PACRGL: variants seen among roughly 807,000 people sequenced by gnomAD.
PACRGL encodes parkin coregulated like.
PACRGL carries 38 observed loss-of-function variants against 34.5 expected under a neutral mutation model. That is an observed-to-expected ratio of 1.10 (90% CI 0.85 to 1.44). PACRGL has a LOEUF of 1.44. Among genes scored for constraint, PACRGL ranks in the 40% most tolerant of loss-of-function variants. The probability of loss-of-function intolerance (pLI) is 0.00; values close to 1 mark genes in which losing one functional copy is unlikely to be tolerated. For missense variants in PACRGL, 305 were observed against 281.4 expected (o/e 1.08, Z -0.60); for synonymous variants, 128 against 100.1 (o/e 1.28, Z -1.66).
downstream of PACRGL, chr4:20,732,730 G>A (rs1208485695): frequency 6.2e-7 from 1 of 1,612,804 alleles, no homozygotes; most frequent in Non-Finnish European, 8.5e-7. Flanking sequence ...TTTGAGGACA[G>A]GATATGTACA....
At chr4:20,704,052 G>A (rs1001313126) in intron 1 of PACRGL, among the ~76,000 whole-genome samples, 5 of 152,158 alleles carry the variant, frequency 3.3e-5, no homozygotes, top group African/African-American at 9.7e-5. Flanking sequence ...GAAAAGTAGA[G>A]CTTGATGTGC....
chr4:20,761,179 G>A, the PACRGL span, among the ~76,000 whole-genome samples: 45 of 152,200 alleles, frequency 3.0e-4, 1 homozygote, highest in East Asian at 8.7e-3. Context: ...CCAGCACCCT[G>A]CCTTTGGACT....
At chr4:20,737,122 C>A (rs1442233697), downstream of PACRGL, among the ~76,000 whole-genome samples, 1 of 151,970 alleles carries the variant, frequency 6.6e-6, no homozygotes, top group African/African-American at 2.4e-5. Context: ...TTCCCATTGG[C>A]ATGAAGGGTA....
Position 20,727,478 on chromosome 4 carries a change from A to G in PACRGL, c.*137A>G. 3 of 625,906 alleles carry G rather than the reference A, an allele frequency of 4.8e-6. No homozygotes were observed. Among genetic ancestry groups the G allele is most frequent in the Non-Finnish European group, 8.2e-6 (3 of 366,420 alleles). 38.8% of individuals were successfully genotyped at this position (625,906 alleles called of 1,614,324 possible). A position where few individuals can be genotyped will look rare whatever the true frequency, so the allele number is the denominator to read the frequency against. ...CTAGGTTAAGATGAATAGACACTGA[A>G]TCAAAGTTATTCATCAACAAAAAAG... On this transcript the variant is annotated 3_prime_UTR_variant, in exon 9 of 9. Coordinates refer to ENST00000503585, the MANE Select transcript of PACRGL (RefSeq NM_001258345.3).
intron 1 of PACRGL, among the ~76,000 whole-genome samples, chr4:20,703,774 T>C (rs990062031): frequency 6.6e-6 from 1 of 152,136 alleles, no homozygotes; most frequent in African/African-American, 2.4e-5. Context: ...CCTAAATTCA[T>C]AAATTTCATA....
chr4:20,722,272 C>G (rs1743679405), intron 7 of PACRGL, among the ~76,000 whole-genome samples: 1 of 152,242 alleles, frequency 6.6e-6, no homozygotes, highest in African/African-American at 2.4e-5. Flanking sequence ...CTTGCGCTTC[C>G]CGGGTGAGGC....
Position 20,715,019 on chromosome 4 carries a change from C to G in PACRGL, c.609+1480C>G, listed in dbSNP as rs190068254. On this transcript the variant is annotated intron_variant, in intron 7 of 8. Transcript: ENST00000503585. The stretch of plus-strand genomic sequence containing the variant: ...ACTCAAAATAGCAAAGACTTGGAAC[C>G]AACCCAAATGTCCAACAATGGTAGA... 3.9e-3 allele frequency among the ~76,000 whole-genome samples: 595 copies of G among 152,278 alleles called. 5 individuals are homozygous for G. Among genetic ancestry groups the G allele is most frequent in the African/African-American group, 0.013 (558 of 41,552 alleles).
chr4:20,726,828 T>G (rs953649912), intron 8 of PACRGL, among the ~76,000 whole-genome samples: 1 of 152,180 alleles, frequency 6.6e-6, no homozygotes, highest in Non-Finnish European at 1.5e-5. Flanking sequence ...GCACATTTAT[T>G]TTGGAAAAGG....
chr4:20,729,927 A>ATCTT lies in PACRGL; in HGVS notation c.*2588_*2591dup. The ATCTT allele has an allele frequency of 1.2e-6, 1 of 817,822 alleles. No individual in the cohort carries two copies. Among genetic ancestry groups the ATCTT allele is most frequent in the Non-Finnish European group, 1.7e-6 (1 of 572,694 alleles). 50.7% of individuals were successfully genotyped at this position (817,822 alleles called of 1,614,324 possible). ...TGCAAATTTATAACTGAAAGCTCAA[A>ATCTT]TCTTTTGGGGATTGCTTTATATTAA... On this transcript the variant is annotated 3_prime_UTR_variant, in exon 9 of 9. Coordinates refer to ENST00000503585, the MANE Select transcript of PACRGL (RefSeq NM_001258345.3).
intron 8 of PACRGL, among the ~76,000 whole-genome samples, chr4:20,743,447 G>A (rs1751657956): frequency 3.3e-5 from 5 of 152,086 alleles, no homozygotes. Flanking sequence ...ACAGAACAGA[G>A]CCCTCGGAAA....
At chr4:20,709,099 A>G (rs1428798164) in intron 4 of PACRGL, among the ~76,000 whole-genome samples, 2 of 152,212 alleles carry the variant, frequency 1.3e-5, no homozygotes, top group Non-Finnish European at 2.9e-5. Flanking sequence ...AGATCGCGCC[A>G]TTACACTTGA....
intron 5 of PACRGL, 65 bp downstream of exon 5, chr4:20,709,838 T>A: frequency 7.5e-7 from 1 of 1,334,400 alleles, no homozygotes; most frequent in Non-Finnish European, 1.1e-6. Context: ...TAAATGCTAC[T>A]TTGTAGCTTG....
chr4:20,710,893 G>A (rs1023223042), intron 5 of PACRGL, among the ~76,000 whole-genome samples: 12 of 151,994 alleles, frequency 7.9e-5, no homozygotes, highest in Non-Finnish European at 1.6e-4. Flanking sequence ...TTTGAGGTTG[G>A]CATTAAAGGT....
chr4:20,704,073 A>G (rs899291022), intron 1 of PACRGL, among the ~76,000 whole-genome samples: 41 of 152,304 alleles, frequency 2.7e-4, no homozygotes, highest in African/African-American at 9.6e-4. Flanking sequence ...ACATGTTAAC[A>G]TTTGGAGCTT....
At chr4:20,760,318 A>T in the PACRGL span, among the ~76,000 whole-genome samples, 7 of 152,320 alleles carry the variant, frequency 4.6e-5, no homozygotes, top group East Asian at 9.7e-4. Context: ...ACCTGACTTT[A>T]GACATGAATA....
rs147987844 is a variant in PACRGL, at chr4:20,727,811, C to T, written c.*470C>T. The T allele has an allele frequency of 9.1e-4, 142 of 155,700 alleles. No individual in the cohort carries two copies. The highest frequency in any genetic ancestry group is 4.7e-3 in the East Asian group (25 of 5,306). The allele number at this position is 155,700 out of a possible 1,614,324, so 9.6% of individuals were successfully genotyped here. ...AAAAAATTGTTTTAAAAGAGAAAAG[C>T]GGTCTTGCTTTGTTGCCCAGACTGG... On this transcript the variant is annotated 3_prime_UTR_variant, in exon 9 of 9. Coordinates refer to ENST00000503585, the MANE Select transcript of PACRGL (RefSeq NM_001258345.3).
intron 8 of PACRGL, among the ~76,000 whole-genome samples, chr4:20,744,105 A>C (rs1578481386): frequency 6.6e-6 from 1 of 152,200 alleles, no homozygotes; most frequent in East Asian, 1.9e-4. Flanking sequence ...TTAAGAAGTC[A>C]GGAAACAACA....
At position 20,728,276 on chromosome 4, in the gene PACRGL, T is replaced by C. The variant is rs1405052044; in HGVS notation, c.*935T>C. 9 of 152,222 alleles carry C rather than the reference T, an allele frequency of 5.9e-5. No homozygotes were observed. Among genetic ancestry groups the C allele is most frequent in the Admixed American group, 4.6e-4 (7 of 15,270 alleles). The allele number at this position is 152,222 out of a possible 1,614,324, so 9.4% of individuals were successfully genotyped here. On this transcript the variant is annotated 3_prime_UTR_variant, in exon 9 of 9. Coordinates refer to ENST00000503585, the MANE Select transcript of PACRGL (RefSeq NM_001258345.3). ...GTTAACTGTATTTAAGTAAATGTGT[T>C]ATTTTTGCATTTCATAGCCAGAAAA...
chr4:20,753,559 A>G (rs760243422), downstream of PACRGL, among the ~76,000 whole-genome samples: 3 of 152,176 alleles, frequency 2.0e-5, no homozygotes, highest in Admixed American at 6.5e-5. Context: ...AATGAAATCA[A>G]TCTGGTTTAT....
Sources: gnomAD v4.1 joint callset for allele counts (sites outside exome capture counted in the v4.1 genomes callset) on GRCh38, gnomAD v4.1.1 for gene constraint, MANE v1.5 for transcripts, NCBI Gene and HGNC (gene_info 2026-07-23, HGNC 2026-07-21) for gene names.